The following DYNC1I1 variants were observed in gnomAD, a reference collection of about 807,000 sequenced individuals.
DYNC1I1 encodes cytoplasmic dynein 1 intermediate chain 1.
In DYNC1I1, 43 loss-of-function variants were observed where a neutral mutation model predicts 86.6. The ratio of observed to expected loss-of-function variants is 0.50; its 90% CI spans 0.39 to 0.64. DYNC1I1 has a LOEUF of 0.64. Ranked by LOEUF, DYNC1I1 falls within the 30% of genes least tolerant of loss-of-function variation. The probability of loss-of-function intolerance (pLI) is 0.00; values close to 1 mark genes in which losing one functional copy is unlikely to be tolerated. For synonymous variants in DYNC1I1, 262 were observed against 283.7 expected (o/e 0.92, Z 0.77); for missense variants, 604 against 788.8 (o/e 0.77, Z 2.81).
chr7:96,101,005 G>T (rs1205862162), downstream of DYNC1I1, among the ~76,000 whole-genome samples: 1 of 152,140 alleles, frequency 6.6e-6, no homozygotes, highest in Non-Finnish European at 1.5e-5. Flanking sequence ...TCCTTTGTAG[G>T]TCAGGGCTGA....
At chr7:95,900,066 T>G (rs1790997187) in intron 6 of DYNC1I1, among the ~76,000 whole-genome samples, 1 of 152,186 alleles carries the variant, frequency 6.6e-6, no homozygotes, top group Non-Finnish European at 1.5e-5. Context: ...AGGGTCTGCA[T>G]GTGTATTTCT....
At chr7:95,845,468 T>A (rs777110088) in intron 5 of DYNC1I1, among the ~76,000 whole-genome samples, 1 of 152,212 alleles carries the variant, frequency 6.6e-6, no homozygotes, top group Non-Finnish European at 1.5e-5. Context: ...TGGCTTATTC[T>A]CCAAGCTTTG....
chr7:96,055,188 A>T (rs936953057), intron 14 of DYNC1I1, among the ~76,000 whole-genome samples: 5 of 152,050 alleles, frequency 3.3e-5, no homozygotes, highest in African/African-American at 1.2e-4. Context: ...GCATATGGCT[A>T]GCTAGTTTTC....
intron 6 of DYNC1I1, among the ~76,000 whole-genome samples, chr7:95,917,030 C>A (rs569913134): frequency 1.3e-5 from 2 of 152,048 alleles, no homozygotes; most frequent in Non-Finnish European, 2.9e-5. Flanking sequence ...TGAGGGCAAC[C>A]GGGTGTGATT....
In DYNC1I1 at chr7:96,039,157, G is replaced by T. The variant is rs562237734; in HGVS notation, c.1365-120G>T. The T allele has an allele frequency of 3.7e-6, 4 of 1,077,110 alleles. No individual in the cohort carries two copies. The South Asian group carries it at 5.4e-5, about 15-fold the overall frequency. The allele number at this position is 1,077,110 out of a possible 1,614,324, so 66.7% of individuals were successfully genotyped here. On this transcript the variant is annotated intron_variant, in intron 13 of 16. Coordinates refer to ENST00000447467, the MANE Select transcript of DYNC1I1 (RefSeq NM_001135556.2). ...GTAAAAATGATTTCATTTTGGTGGT[G>T]TGTGGTTGTTCTAAATTATGGAGAT...
chr7:95,958,883 A>AT (rs749888370), intron 6 of DYNC1I1, among the ~76,000 whole-genome samples: 1 of 152,228 alleles, frequency 6.6e-6, no homozygotes, highest in Non-Finnish European at 1.5e-5. Context: ...GGAAGAAATA[A>AT]AACACGATTA....
chr7:95,943,387 T>C (rs978086181), intron 6 of DYNC1I1, among the ~76,000 whole-genome samples: 1 of 151,724 alleles, frequency 6.6e-6, no homozygotes, highest in Non-Finnish European at 1.5e-5. Context: ...TAGAAAGAAA[T>C]GGAAGAACAT....
Position 95,835,380 on chromosome 7 carries a change from C to T in DYNC1I1, c.374+7264C>T, listed in dbSNP as rs1486732129. On this transcript the variant is annotated intron_variant, in intron 5 of 16. Coordinates refer to ENST00000447467, the MANE Select transcript of DYNC1I1 (RefSeq NM_001135556.2). Reference sequence around the variant, plus strand: ...GTTCTTTTACATTTGCTGAGGAGAGCTTTACTTCCAAGTATGTGGTCAATT... The same window carrying T: ...GTTCTTTTACATTTGCTGAGGAGAGTTTTACTTCCAAGTATGTGGTCAATT... Among the ~76,000 whole-genome samples, 150 of 144,954 alleles carry T rather than the reference C, an allele frequency of 1.0e-3. 2 individuals are homozygous for T. The highest frequency in any genetic ancestry group is 3.8e-3 in the African/African-American group (145 of 38,024).
At chr7:95,945,647 C>T (rs1043799782) in intron 6 of DYNC1I1, among the ~76,000 whole-genome samples, 2 of 152,064 alleles carry the variant, frequency 1.3e-5, no homozygotes, top group African/African-American at 2.4e-5. Flanking sequence ...ACTTTTTTAG[C>T]ATTAAACATC....
At chr7:96,039,506 G>A in intron 14 of DYNC1I1, 85 bp downstream of exon 14, 2 of 1,570,470 alleles carry the variant, frequency 1.3e-6, no homozygotes, top group Non-Finnish European at 1.7e-6. Context: ...TGTCCCTAAA[G>A]CCTCTTCCAG....
At chr7:95,988,371 A>G (rs1208924018) in intron 9 of DYNC1I1, among the ~76,000 whole-genome samples, 1 of 152,150 alleles carries the variant, frequency 6.6e-6, no homozygotes, top group Non-Finnish European at 1.5e-5. Context: ...AAAACAAAAA[A>G]CAAAAACCTG....
rs545242636 is a variant in DYNC1I1 at position 95,885,452 on chromosome 7, C to T, written c.490+15454C>T. ...TCAGCCTCTCAAAGTGCTGGGATTA[C>T]AGACATGAGCCACCATGCCCTGCCC... is the stretch of plus-strand genomic sequence containing the variant. On this transcript the variant is annotated intron_variant, in intron 6 of 16. Transcript: ENST00000447467. 2.6e-5 allele frequency among the ~76,000 whole-genome samples: 4 copies of T among 152,190 alleles called. No individual in the cohort carries two copies. The East Asian group carries it at 7.8e-4, about 29-fold the overall frequency.
At chr7:95,903,375 T>C (rs974458236) in intron 6 of DYNC1I1, among the ~76,000 whole-genome samples, 2 of 152,158 alleles carry the variant, frequency 1.3e-5, no homozygotes, top group Non-Finnish European at 2.9e-5. Context: ...CACCTTGTAT[T>C]TTCTGAAGCA....
At chr7:95,915,147 C>T (rs1351594447) in intron 6 of DYNC1I1, among the ~76,000 whole-genome samples, 3 of 152,144 alleles carry the variant, frequency 2.0e-5, no homozygotes, top group Admixed American at 6.6e-5. Context: ...ATTCAGAAAG[C>T]GTGACATTTT....
At chr7:96,049,257 C>CAAAA (rs200677000) in intron 14 of DYNC1I1, among the ~76,000 whole-genome samples, 3 of 76,022 alleles carry the variant, frequency 3.9e-5, no homozygotes, top group African/African-American at 4.9e-5. Flanking sequence ...GACTCCATCT[C>CAAAA]AAAAAAAAAA....
intron 14 of DYNC1I1, among the ~76,000 whole-genome samples, chr7:96,052,824 T>G (rs1789443671): frequency 6.6e-6 from 1 of 152,126 alleles, no homozygotes; most frequent in Non-Finnish European, 1.5e-5. Flanking sequence ...GACTTTCTTC[T>G]GAAGATGACA....
chr7:95,854,945 T>C (rs1284898844), intron 5 of DYNC1I1, among the ~76,000 whole-genome samples: 2 of 152,156 alleles, frequency 1.3e-5, no homozygotes, highest in Non-Finnish European at 2.9e-5. Context: ...TGGTGATAGG[T>C]ATGAGAGTAG....
At chr7:95,996,722 T>C (rs1414311225) in intron 10 of DYNC1I1, among the ~76,000 whole-genome samples, 1 of 152,226 alleles carries the variant, frequency 6.6e-6, no homozygotes, top group African/African-American at 2.4e-5. Context: ...TCAGCATTGC[T>C]CTGTTGCCAT....
intron 2 of DYNC1I1, among the ~76,000 whole-genome samples, chr7:95,808,554 G>A (rs1486593347): frequency 6.6e-6 from 1 of 152,140 alleles, no homozygotes; most frequent in Non-Finnish European, 1.5e-5. Flanking sequence ...TTAATGCAAT[G>A]AGGTGAGCTC....
Sources: allele counts gnomAD v4.1 joint callset (sites outside exome capture counted in the v4.1 genomes callset), GRCh38; gene constraint gnomAD v4.1.1; transcripts MANE v1.5; gene names NCBI Gene and HGNC (gene_info 2026-07-23, HGNC 2026-07-21).